The following NGEF variants were observed in gnomAD, a reference collection of about 807,000 sequenced individuals.
NGEF encodes the protein ephexin-1.
Under a neutral mutation model 80.9 loss-of-function variants are expected in NGEF, and 31 were observed. The observed-to-expected ratio is 0.38, with a 90% CI of 0.29 to 0.52. The LOEUF (loss-of-function observed/expected upper bound fraction) is 0.52, where lower values mean the gene tolerates loss of function less well. Ranked by LOEUF, NGEF falls within the 20% of genes least tolerant of loss-of-function variation. The probability of loss-of-function intolerance (pLI) is 0.84; values close to 1 mark genes in which losing one functional copy is unlikely to be tolerated. For missense variants in NGEF, 709 were observed against 926.2 expected (o/e 0.77, Z 3.04); for synonymous variants, 371 against 370.2 (o/e 1.00, Z -0.03).
chr2:232,973,186 A>C (rs10933420), intron 2 of NGEF, among the ~76,000 whole-genome samples: 1 of 151,998 alleles, frequency 6.6e-6, no homozygotes, highest in Non-Finnish European at 1.5e-5. Flanking sequence ...GCTTGCATTA[A>C]AATGACATCA....
At chr2:232,980,290 G>T (rs1394707516) in intron 1 of NGEF, among the ~76,000 whole-genome samples, 1 of 152,158 alleles carries the variant, frequency 6.6e-6, no homozygotes, top group Non-Finnish European at 1.5e-5. Context: ...GTGGGGAGTT[G>T]TGGGGAGCTG....
At chr2:232,913,434 G>A (rs148974796) in intron 5 of NGEF, among the ~76,000 whole-genome samples, 2 of 152,308 alleles carry the variant, frequency 1.3e-5, no homozygotes, top group East Asian at 1.9e-4. Flanking sequence ...TGAAAACAAT[G>A]TGTAATCTGC....
chr2:232,923,334 C>T (rs1247117603), intron 4 of NGEF, among the ~76,000 whole-genome samples: 2 of 152,172 alleles, frequency 1.3e-5, no homozygotes, highest in Non-Finnish European at 2.9e-5. Context: ...TATTGACTGC[C>T]TCTCCTGCAC....
chr2:233,008,440 C>A (rs1365511431), intron 1 of NGEF, among the ~76,000 whole-genome samples: 2 of 152,112 alleles, frequency 1.3e-5, no homozygotes, highest in African/African-American at 2.4e-5. Flanking sequence ...TGTCATGTAG[C>A]CTGAAAGACT....
chr2:233,000,769 A>AC (rs990530375), intron 1 of NGEF, among the ~76,000 whole-genome samples: 5 of 151,612 alleles, frequency 3.3e-5, no homozygotes, highest in African/African-American at 7.3e-5. Flanking sequence ...CAAAAAAAAA[A>AC]AAAAACGAAA....
intron 1 of NGEF, among the ~76,000 whole-genome samples, chr2:233,003,109 C>A (rs934302643): frequency 2.0e-5 from 3 of 152,212 alleles, no homozygotes; most frequent in African/African-American, 7.2e-5. Context: ...ACGTGATTGC[C>A]CATGCCCAGG....
intron 6 of NGEF, 160 bp downstream of exon 6, chr2:232,894,596 T>C: frequency 2.6e-6 from 2 of 758,708 alleles, no homozygotes; most frequent in East Asian, 3.2e-5. Flanking sequence ...GGTGGTGAGG[T>C]TTGGATTTAG....
At chr2:233,005,119 T>C (rs1388998519) in intron 1 of NGEF, among the ~76,000 whole-genome samples, 1 of 152,198 alleles carries the variant, frequency 6.6e-6, no homozygotes, top group Non-Finnish European at 1.5e-5. Context: ...CTCGATGGAT[T>C]CTGCGGGCAA....
Position 232,879,678 on chromosome 2 carries a change from C to T in NGEF, c.1944G>A (p.Gly648=), listed in dbSNP as rs1691425143. Reference sequence around the variant, plus strand: ...CGTGCAGACGCTCGCCAAAGATCCACCCTGTGCAGGGAGGGGAGGGAGAGA... The same window carrying T: ...CGTGCAGACGCTCGCCAAAGATCCATCCTGTGCAGGGAGGGGAGGGAGAGA... ...ILNILDKTDD[G]WIFGERLHDQ... is the part of the protein sequence containing the mutation. Residue 648 remains glycine (G), a splice_region_variant and synonymous_variant, in exon 15 of 15, where the codon GGG becomes GGA. Transcript: ENST00000264051. 1 of 1,610,074 alleles carries T rather than the reference C, an allele frequency of 6.2e-7. No homozygotes were observed. Among genetic ancestry groups the T allele is most frequent in the South Asian group, 1.1e-5 (1 of 91,034 alleles).
chr2:232,980,807 C>T (rs975305890), intron 1 of NGEF, among the ~76,000 whole-genome samples: 9 of 152,148 alleles, frequency 5.9e-5, no homozygotes, highest in African/African-American at 1.9e-4. Flanking sequence ...AGAGCATTCT[C>T]ATTTGCTAGT....
chr2:232,922,710 T>A (rs537644538), intron 4 of NGEF, among the ~76,000 whole-genome samples: 1 of 152,360 alleles, frequency 6.6e-6, no homozygotes, highest in East Asian at 1.9e-4. Context: ...GATTCACTTT[T>A]CAATGCATAG....
chr2:232,893,930 G>A (rs761982813), intron 6 of NGEF, among the ~76,000 whole-genome samples: 1 of 152,182 alleles, frequency 6.6e-6, no homozygotes, highest in Non-Finnish European at 1.5e-5. Flanking sequence ...GTGTGGAGGA[G>A]AGACCCACTT....
At chr2:232,891,295 C>T in intron 8 of NGEF, 63 bp downstream of exon 8, 1 of 1,597,568 alleles carries the variant, frequency 6.3e-7, no homozygotes, top group South Asian at 1.1e-5. Context: ...CTGACAGGGC[C>T]CGGGAATGAC....
chr2:232,959,612 T>A (rs1303611312), intron 3 of NGEF, among the ~76,000 whole-genome samples: 1 of 146,446 alleles, frequency 6.8e-6, no homozygotes, highest in Admixed American at 7.0e-5. Flanking sequence ...AGAGCTTCAC[T>A]CTTTTTGCCC....
chr2:233,011,503 G>A (rs944914234), intron 1 of NGEF, among the ~76,000 whole-genome samples: 1 of 151,948 alleles, frequency 6.6e-6, no homozygotes, highest in South Asian at 2.1e-4. Flanking sequence ...GAGAGGCTCT[G>A]GGTGGCCCCA....
At chr2:232,979,986 A>C (rs1694376845) in intron 1 of NGEF, among the ~76,000 whole-genome samples, 1 of 152,100 alleles carries the variant, frequency 6.6e-6, no homozygotes, top group Admixed American at 6.6e-5. Flanking sequence ...AGCTGTGATA[A>C]TCTGGCCAAG....
intron 3 of NGEF, among the ~76,000 whole-genome samples, chr2:232,948,467 G>T (rs1693608045): frequency 6.6e-6 from 1 of 152,026 alleles, no homozygotes; most frequent in African/African-American, 2.4e-5. Context: ...GGGTATTTAG[G>T]GGTGAAGAAT....
At chr2:232,980,800 G>A (rs1694397688) in intron 1 of NGEF, among the ~76,000 whole-genome samples, 1 of 152,132 alleles carries the variant, frequency 6.6e-6, no homozygotes, top group South Asian at 2.1e-4. Context: ...AGCTCGCAGA[G>A]CATTCTCATT....
intron 1 of NGEF, among the ~76,000 whole-genome samples, chr2:233,007,618 G>T (rs1160109467): frequency 6.6e-6 from 1 of 152,172 alleles, no homozygotes; most frequent in Non-Finnish European, 1.5e-5. Flanking sequence ...CATTTTCTGT[G>T]ATATTTCTCC....
Sources: gnomAD v4.1 joint callset for allele counts (sites outside exome capture counted in the v4.1 genomes callset) on GRCh38, gnomAD v4.1.1 for gene constraint, MANE v1.5 for transcripts, NCBI Gene and HGNC (gene_info 2026-07-23, HGNC 2026-07-21) for gene names.